PCDH9: variants seen among roughly 807,000 people sequenced by gnomAD.
PCDH9 encodes the protein protocadherin-9.
In PCDH9, 24 loss-of-function variants were observed where a neutral mutation model predicts 70.6. The ratio of observed to expected loss-of-function variants is 0.34; its 90% CI spans 0.25 to 0.48. The LOEUF (loss-of-function observed/expected upper bound fraction) is 0.48, where lower values mean the gene tolerates loss of function less well. Among genes scored for constraint, PCDH9 ranks in the 20% least tolerant of loss-of-function variants. PCDH9 has a pLI of 0.99. For missense variants in PCDH9, 1,281 were observed against 1,503.6 expected (o/e 0.85, Z 2.45); for synonymous variants, 562 against 558.5 (o/e 1.01, Z -0.09).
Position 67,228,557 on chromosome 13 carries a change from A to C in PCDH9, c.-117T>G. 2 of 752,028 alleles carry C rather than the reference A, an allele frequency of 2.7e-6. No homozygotes were observed. Among genetic ancestry groups the C allele is most frequent in the Non-Finnish European group, 4.1e-6 (2 of 484,440 alleles). 46.6% of individuals were successfully genotyped at this position (752,028 alleles called of 1,614,324 possible). ...ACTGGAGGATGCATTATATCTCATC[A>C]CTTATTTGGAGACAGCCGCTGTCAA... On this transcript the variant is annotated 5_prime_UTR_variant, in exon 2 of 5. It removes the in-frame stop codon of an upstream open reading frame in the 5' UTR. Coordinates refer to ENST00000377865, the MANE Select transcript of PCDH9 (RefSeq NM_203487.3).
chr13:67,153,221 G>C (rs756914876), intron 2 of PCDH9, among the ~76,000 whole-genome samples: 3 of 151,644 alleles, frequency 2.0e-5, no homozygotes, highest in Non-Finnish European at 4.4e-5. Context: ...GAGTGCAATG[G>C]TGCGATCATG....
chr13:66,671,659 A>G (rs1157830676), intron 3 of PCDH9, among the ~76,000 whole-genome samples: 1 of 152,148 alleles, frequency 6.6e-6, no homozygotes, highest in Non-Finnish European at 1.5e-5. Flanking sequence ...CCTGCCCTAG[A>G]AATCTGTGGA....
intron 2 of PCDH9, chr13:67,206,786 A>G (rs1204039529): frequency 6.6e-6 from 1 of 152,182 alleles, no homozygotes. Context: ...ATTTAAAAAG[A>G]AAGGAAAGCA....
At chr13:66,410,509 C>A (rs1566304648) in intron 4 of PCDH9, among the ~76,000 whole-genome samples, 1 of 152,134 alleles carries the variant, frequency 6.6e-6, no homozygotes, top group African/African-American at 2.4e-5. Context: ...ATTTTTAGGG[C>A]CAGATGTTAC....
intron 4 of PCDH9, among the ~76,000 whole-genome samples, chr13:66,411,108 C>T (rs1957361722): frequency 6.6e-6 from 1 of 152,148 alleles, no homozygotes; most frequent in Non-Finnish European, 1.5e-5. Context: ...TTACTCATAT[C>T]ACAGGAAAAT....
chr13:66,942,416 G>A (rs1456767210), intron 2 of PCDH9, among the ~76,000 whole-genome samples: 1 of 151,620 alleles, frequency 6.6e-6, no homozygotes, highest in Non-Finnish European at 1.5e-5. Context: ...TTAGATGCGT[G>A]AAAGTAAAAA....
chr13:66,527,380 T>C (rs377461840), intron 4 of PCDH9, among the ~76,000 whole-genome samples: 2 of 152,124 alleles, frequency 1.3e-5, no homozygotes, highest in South Asian at 4.2e-4. Flanking sequence ...GTGTGTTAGA[T>C]ATAAATCTTC....
At chr13:66,990,622 T>C (rs1016189895) in intron 2 of PCDH9, among the ~76,000 whole-genome samples, 1 of 149,882 alleles carries the variant, frequency 6.7e-6, no homozygotes. Flanking sequence ...AACACATATA[T>C]ATAAAAACAT....
intron 2 of PCDH9, among the ~76,000 whole-genome samples, chr13:67,029,883 C>T (rs1436304835): frequency 2.0e-5 from 3 of 152,122 alleles, no homozygotes; most frequent in African/African-American, 7.2e-5. Context: ...CAAGCCAGAA[C>T]ACTTTATCTT....
Position 67,018,878 on chromosome 13 carries a change from C to T in PCDH9, c.3037-115273G>A, listed in dbSNP as rs533863945. Among the ~76,000 whole-genome samples the T allele has an allele frequency of 6.6e-5, 10 of 152,172 alleles. No homozygotes were observed. The East Asian group carries it at 1.9e-3, about 29-fold the overall frequency. Reference sequence around the variant, plus strand: ...ACATTCACAACTCAAAACCATGATACAATTCTAGCTTAACTTATTTGACAA... The same window carrying T: ...ACATTCACAACTCAAAACCATGATATAATTCTAGCTTAACTTATTTGACAA... On this transcript the variant is annotated intron_variant, in intron 2 of 4. Transcript: ENST00000377865.
chr13:67,026,324 T>C (rs921850640), intron 2 of PCDH9, among the ~76,000 whole-genome samples: 1 of 152,114 alleles, frequency 6.6e-6, no homozygotes, highest in Non-Finnish European at 1.5e-5. Context: ...GTTGTGTCTC[T>C]GCCCGGCTTT....
intron 2 of PCDH9, among the ~76,000 whole-genome samples, chr13:67,072,149 T>G (rs2085779635): frequency 6.6e-6 from 1 of 152,100 alleles, no homozygotes; most frequent in Non-Finnish European, 1.5e-5. Context: ...ACATGGCACC[T>G]AGGCACTGAG....
At chr13:66,666,506 T>G (rs2078100062) in intron 3 of PCDH9, among the ~76,000 whole-genome samples, 2 of 152,154 alleles carry the variant, frequency 1.3e-5, no homozygotes, top group African/African-American at 4.8e-5. Context: ...CCAGAAGCTA[T>G]GTAAGGTGAC....
At chr13:67,221,235 A>G (rs2089718151) in intron 2 of PCDH9, 1 of 152,012 alleles carries the variant, frequency 6.6e-6, no homozygotes. Context: ...TTCACTTTCA[A>G]TTGCATTTTT....
chr13:67,135,241 T>G (rs914084922), intron 2 of PCDH9, among the ~76,000 whole-genome samples: 6 of 152,058 alleles, frequency 3.9e-5, no homozygotes, highest in African/African-American at 1.4e-4. Context: ...ATTAACAATA[T>G]TTTCTAGTTT....
At chr13:66,533,014 G>A (rs967425834) in intron 4 of PCDH9, among the ~76,000 whole-genome samples, 1 of 152,140 alleles carries the variant, frequency 6.6e-6, no homozygotes, top group African/African-American at 2.4e-5. Context: ...TACGGTCTTA[G>A]CAACACATCT....
At chr13:66,669,224 G>A (rs991672863) in intron 3 of PCDH9, among the ~76,000 whole-genome samples, 9 of 152,076 alleles carry the variant, frequency 5.9e-5, no homozygotes, top group African/African-American at 2.2e-4. Context: ...TAAAGCTAAC[G>A]CTACCTATCT....
chr13:66,933,436 G>A (rs936182503), intron 2 of PCDH9, among the ~76,000 whole-genome samples: 3 of 152,152 alleles, frequency 2.0e-5, no homozygotes, highest in Admixed American at 6.5e-5. Context: ...TCATGTTGTA[G>A]TTGGTATTCT....
At chr13:66,802,179 T>A (rs947781655) in intron 3 of PCDH9, among the ~76,000 whole-genome samples, 3 of 151,958 alleles carry the variant, frequency 2.0e-5, no homozygotes, top group Non-Finnish European at 4.4e-5. Context: ...TAAAAAATAA[T>A]TCTAGTTAGT....
Sources: gnomAD v4.1 joint callset for allele counts (sites outside exome capture counted in the v4.1 genomes callset) on GRCh38, gnomAD v4.1.1 for gene constraint, MANE v1.5 for transcripts, NCBI Gene and HGNC (gene_info 2026-07-23, HGNC 2026-07-21) for gene names.